The following ACOXL variants were observed in gnomAD, a reference collection of about 807,000 sequenced individuals.
ACOXL encodes acyl-coenzyme A oxidase-like protein.
Under a neutral mutation model 71.9 loss-of-function variants are expected in ACOXL, and 70 were observed. That is an observed-to-expected ratio of 0.97 (90% CI 0.80 to 1.19). The LOEUF (loss-of-function observed/expected upper bound fraction) is 1.19. Among genes scored for constraint, ACOXL ranks in the 50% most tolerant of loss-of-function variants. The probability of loss-of-function intolerance (pLI) is 0.00; values close to 1 mark genes in which losing one functional copy is unlikely to be tolerated. For synonymous variants in ACOXL, 253 were observed against 281.6 expected (o/e 0.90, Z 1.02); for missense variants, 703 against 736.3 (o/e 0.95, Z 0.52).
At chr2:110,906,586 C>CAAAA (rs78173066) in intron 10 of ACOXL, among the ~76,000 whole-genome samples, 26 of 98,892 alleles carry the variant, frequency 2.6e-4, no homozygotes, top group Admixed American at 4.0e-4. Flanking sequence ...ATTTTTCAGC[C>CAAAA]AAAAAAAAAA....
At chr2:111,021,211 T>G (rs950483548) in intron 14 of ACOXL, among the ~76,000 whole-genome samples, 1 of 152,086 alleles carries the variant, frequency 6.6e-6, no homozygotes, top group Non-Finnish European at 1.5e-5. Context: ...CACCTTGTAC[T>G]TCAACTCTGA....
intron 12 of ACOXL, among the ~76,000 whole-genome samples, chr2:110,984,311 G>C (rs1246814974): frequency 1.3e-5 from 2 of 151,734 alleles, no homozygotes; most frequent in East Asian, 3.9e-4. Flanking sequence ...ATATATTCAG[G>C]AACACCTCTA....
chr2:110,968,596 G>T, intron 12 of ACOXL: 1 of 913,916 alleles, frequency 1.1e-6, no homozygotes, highest in Non-Finnish European at 1.7e-6. Context: ...ATGAAAAGAA[G>T]CCCAAGAAAG....
At chr2:110,749,683 G>A (rs186495728) in intron 1 of ACOXL, among the ~76,000 whole-genome samples, 106 of 152,332 alleles carry the variant, frequency 7.0e-4, no homozygotes, top group Admixed American at 1.5e-3. Context: ...AGCCGAGATC[G>A]CGCCACTGCA....
At chr2:111,076,048 A>G (rs1013010760) in intron 16 of ACOXL, among the ~76,000 whole-genome samples, 2 of 152,066 alleles carry the variant, frequency 1.3e-5, no homozygotes, top group Admixed American at 6.6e-5. Flanking sequence ...TGTATTTGCT[A>G]TTGTTGAGTA....
intron 14 of ACOXL, among the ~76,000 whole-genome samples, chr2:111,011,862 C>T (rs561109348): frequency 1.6e-5 from 2 of 126,568 alleles, no homozygotes; most frequent in South Asian, 5.1e-4. Flanking sequence ...CCAGCCTGGG[C>T]AGCAGAGTGA....
intron 3 of ACOXL, among the ~76,000 whole-genome samples, chr2:110,786,251 A>G (rs1683948051): frequency 6.6e-6 from 1 of 152,254 alleles, no homozygotes; most frequent in African/African-American, 2.4e-5. Flanking sequence ...AAGCCAGGTC[A>G]GTTGGCAGTG....
Position 110,813,983 on chromosome 2 carries a change from C to T in ACOXL, c.753+8588C>T, listed in dbSNP as rs1573642965. 4.6e-5 allele frequency among the ~76,000 whole-genome samples: 7 copies of T among 152,158 alleles called. No individual in the cohort carries two copies. The South Asian group carries it at 1.2e-3, about 27-fold the overall frequency. Reference sequence around the variant, plus strand: ...ACTCTGGTATTCCAGCACTGGGGTCCGGCCGTTACCCAATGCTGGAGTGGC... The same window carrying T: ...ACTCTGGTATTCCAGCACTGGGGTCTGGCCGTTACCCAATGCTGGAGTGGC... On this transcript the variant is annotated intron_variant, in intron 9 of 17. Transcript: ENST00000439055.
intron 11 of ACOXL, among the ~76,000 whole-genome samples, chr2:110,924,452 C>T (rs1031212057): frequency 1.3e-5 from 2 of 152,202 alleles, no homozygotes; most frequent in Admixed American, 6.5e-5. Flanking sequence ...CTTGCTGCTG[C>T]CCTATCAACT....
intron 17 of ACOXL, among the ~76,000 whole-genome samples, chr2:111,109,870 G>A (rs1172429646): frequency 6.6e-6 from 1 of 151,478 alleles, no homozygotes; most frequent in Non-Finnish European, 1.5e-5. Context: ...GTAGAGACAG[G>A]GTTTCACTAT....
chr2:110,909,702 A>T (rs984847835), intron 11 of ACOXL, among the ~76,000 whole-genome samples: 1 of 151,248 alleles, frequency 6.6e-6, no homozygotes, highest in African/African-American at 2.4e-5. Flanking sequence ...CAGGGTTTAT[A>T]AAAGGATGGT....
At chr2:110,762,042 T>C (rs1310031915) in intron 1 of ACOXL, among the ~76,000 whole-genome samples, 1 of 152,256 alleles carries the variant, frequency 6.6e-6, no homozygotes. Context: ...TGTACACGTT[T>C]AGGATTGTTA....
intron 8 of ACOXL, among the ~76,000 whole-genome samples, chr2:110,802,981 G>C (rs2105344208): frequency 6.6e-6 from 1 of 152,058 alleles, no homozygotes; most frequent in Admixed American, 6.5e-5. Flanking sequence ...ACATCACACT[G>C]TATTCCATCA....
At chr2:111,031,079 G>A (rs1274966204) in intron 14 of ACOXL, among the ~76,000 whole-genome samples, 1 of 152,196 alleles carries the variant, frequency 6.6e-6, no homozygotes, top group East Asian at 1.9e-4. Context: ...TTTGTCACAT[G>A]CATAAATGAC....
chr2:111,013,931 TTAA>T (rs1283234429), intron 14 of ACOXL, among the ~76,000 whole-genome samples: 1 of 152,206 alleles, frequency 6.6e-6, no homozygotes, highest in Non-Finnish European at 1.5e-5. Context: ...CGAGGTTGGT[TTAA>T]TAGTCAAAAC....
chr2:111,057,152 C>T (rs2066580734), intron 16 of ACOXL, among the ~76,000 whole-genome samples: 1 of 152,200 alleles, frequency 6.6e-6, no homozygotes, highest in Admixed American at 6.5e-5. Flanking sequence ...GCTAAGTCCC[C>T]ATGTCTCTGC....
chr2:110,883,717 G>C (rs1173370981), intron 10 of ACOXL, among the ~76,000 whole-genome samples: 4 of 152,002 alleles, frequency 2.6e-5, no homozygotes, highest in African/African-American at 9.7e-5. Context: ...CTTCCTATCT[G>C]ATTTAAATGT....
At chr2:111,049,338 A>G (rs200243863) in intron 16 of ACOXL, 50 bp downstream of exon 16, 1 of 1,430,820 alleles carries the variant, frequency 7.0e-7, no homozygotes, top group East Asian at 2.3e-5. Flanking sequence ...GAGCGTTTTT[A>G]TTGCCCTGAG....
rs989403241 is a variant in ACOXL at position 110,922,656 on chromosome 2, A to G, written c.906-10833A>G. 2.0e-5 allele frequency among the ~76,000 whole-genome samples: 3 copies of G among 152,118 alleles called. No homozygotes were observed. In the East Asian group the frequency reaches 5.8e-4, roughly 29 times the overall value. ...TTTGGCTTGATTTAAGCTTGATTTTATAAGTGCTGTGTTACACTGTCAATG... is the reference window on the plus strand; with the variant it reads ...TTTGGCTTGATTTAAGCTTGATTTTGTAAGTGCTGTGTTACACTGTCAATG... On this transcript the variant is annotated intron_variant, in intron 11 of 17. Coordinates refer to ENST00000439055, the MANE Select transcript of ACOXL (RefSeq NM_001142807.4).
Sources: allele counts gnomAD v4.1 joint callset (sites outside exome capture counted in the v4.1 genomes callset), GRCh38; gene constraint gnomAD v4.1.1; transcripts MANE v1.5; gene names NCBI Gene and HGNC (gene_info 2026-07-23, HGNC 2026-07-21).